The following FAM120B variants were observed in gnomAD, a reference collection of about 807,000 sequenced individuals.
The protein encoded by FAM120B is constitutive coactivator of peroxisome proliferator-activated receptor gamma.
Under a neutral mutation model 96.3 loss-of-function variants are expected in FAM120B, and 83 were observed. The observed-to-expected ratio is 0.86, with a 90% CI of 0.72 to 1.03. The LOEUF is 1.03. Ranked by LOEUF, FAM120B falls within the 50% of genes least tolerant of loss-of-function variation. The pLI, the probability that FAM120B is intolerant of heterozygous loss-of-function variation, is 0.00. For missense variants in FAM120B, 1,027 were observed against 1,121.2 expected (o/e 0.92, Z 1.20); for synonymous variants, 407 against 402.7 (o/e 1.01, Z -0.13).
chr6:170,377,713 C>T (rs1195476276), intron 6 of FAM120B, among the ~76,000 whole-genome samples: 3 of 141,310 alleles, frequency 2.1e-5, no homozygotes, highest in Admixed American at 7.1e-5. Flanking sequence ...GCTGTGCACA[C>T]GCGTCCCTAA....
intron 8 of FAM120B, among the ~76,000 whole-genome samples, chr6:170,393,339 G>T (rs146948434): frequency 6.6e-5 from 10 of 152,202 alleles, no homozygotes; most frequent in Admixed American, 2.0e-4. Flanking sequence ...GAGGCCATGA[G>T]GTCCTGCAGG....
intron 6 of FAM120B, among the ~76,000 whole-genome samples, chr6:170,377,015 G>C (rs555878712): frequency 6.9e-6 from 1 of 145,106 alleles, no homozygotes; most frequent in Non-Finnish European, 1.5e-5. Context: ...GGAGAACACA[G>C]GCTCACGCTG....
At chr6:170,304,283 G>A (rs1363945594), upstream of FAM120B, among the ~76,000 whole-genome samples, 1 of 152,200 alleles carries the variant, frequency 6.6e-6, no homozygotes, top group Non-Finnish European at 1.5e-5. Context: ...ATTCTGTGGA[G>A]AATTTCCATG....
At chr6:170,305,607 T>C (rs1383003619), upstream of FAM120B, among the ~76,000 whole-genome samples, 1 of 152,258 alleles carries the variant, frequency 6.6e-6, no homozygotes, top group Non-Finnish European at 1.5e-5. Flanking sequence ...GCTGCCTTGC[T>C]GAGACATACT....
chr6:170,322,238 A>G (rs1785338173), intron 2 of FAM120B, among the ~76,000 whole-genome samples: 1 of 152,216 alleles, frequency 6.6e-6, no homozygotes, highest in Admixed American at 6.5e-5. Flanking sequence ...TTTCTCAACA[A>G]ATGAGTGAAT....
chr6:170,329,081 C>A (rs1785816519), intron 3 of FAM120B, among the ~76,000 whole-genome samples: 1 of 152,210 alleles, frequency 6.6e-6, no homozygotes, highest in African/African-American at 2.4e-5. Flanking sequence ...ATTGGTTGGC[C>A]AGCCCCAGGA....
intron 4 of FAM120B, among the ~76,000 whole-genome samples, chr6:170,338,949 G>A (rs762817934): frequency 1.7e-4 from 25 of 147,496 alleles, no homozygotes; most frequent in South Asian, 6.5e-4. Flanking sequence ...CCTGAATACA[G>A]CACACCAATA....
At chr6:170,323,007 T>C (rs1785390960) in intron 2 of FAM120B, 72 bp from the exon 3 acceptor site, 3 of 1,342,768 alleles carry the variant, frequency 2.2e-6, no homozygotes, top group Admixed American at 4.9e-5. Flanking sequence ...ATGAAAGGCA[T>C]TGACTTTTTC....
intron 4 of FAM120B, among the ~76,000 whole-genome samples, chr6:170,347,406 C>G (rs934034725): frequency 6.6e-6 from 1 of 152,222 alleles, no homozygotes; most frequent in Admixed American, 6.5e-5. Context: ...GCATCTGCAA[C>G]TCAGTGTGAG....
Position 170,301,666 on chromosome 6 carries a change from A to G in FAM120B, c.48+6213A>G, listed in dbSNP as rs529961280. Among the ~76,000 whole-genome samples the G allele has an allele frequency of 9.9e-5, 15 of 152,260 alleles. No homozygotes were observed. In the East Asian group the frequency reaches 2.9e-3, roughly 29 times the overall value. On this transcript the variant is annotated intron_variant, in intron 1 of 10. Transcript: ENST00000537664. ...TTTCTTCCACCAGATACCCTAAATCATCTCTCTCAAGTGCAAAGTTCCACA... is the reference window on the plus strand; with the variant it reads ...TTTCTTCCACCAGATACCCTAAATCGTCTCTCTCAAGTGCAAAGTTCCACA...
intron 4 of FAM120B, among the ~76,000 whole-genome samples, chr6:170,341,343 C>T (rs1786814902): frequency 2.0e-5 from 3 of 152,182 alleles, no homozygotes. Context: ...GACGCCCCTC[C>T]CCCCACCAAG....
At chr6:170,320,964 T>C (rs1785248959) in intron 2 of FAM120B, among the ~76,000 whole-genome samples, 1 of 152,026 alleles carries the variant, frequency 6.6e-6, no homozygotes, top group African/African-American at 2.4e-5. Context: ...AATTAGGAGG[T>C]CCTGATGGCA....
chr6:170,330,771 T>C (rs1785970654), intron 4 of FAM120B: 2 of 539,566 alleles, frequency 3.7e-6, no homozygotes, highest in Non-Finnish European at 6.6e-6. Flanking sequence ...GCGGCGGTGC[T>C]CTGCCTCTTT....
intron 1 of FAM120B, among the ~76,000 whole-genome samples, chr6:170,296,258 G>A (rs755450085): frequency 1.2e-4 from 19 of 152,162 alleles, no homozygotes; most frequent in Non-Finnish European, 2.8e-4. Context: ...CGTGTCCCAG[G>A]GAGGGGCTGT....
intron 9 of FAM120B, among the ~76,000 whole-genome samples, 167 bp downstream of exon 9, chr6:170,395,746 A>G (rs1354184546): frequency 6.6e-6 from 1 of 152,254 alleles, no homozygotes; most frequent in Non-Finnish European, 1.5e-5. Context: ...AGTGAAATAA[A>G]GACAAATAAT....
chr6:170,362,832 C>T (rs1344418312), intron 6 of FAM120B, among the ~76,000 whole-genome samples: 1 of 151,982 alleles, frequency 6.6e-6, no homozygotes, highest in Non-Finnish European at 1.5e-5. Flanking sequence ...CAGGCGCACA[C>T]CACCATGCCT....
chr6:170,290,899 C>G (rs1583158955), upstream of FAM120B: 1 of 691,850 alleles, frequency 1.4e-6, no homozygotes, highest in Non-Finnish European at 2.6e-6. The surrounding 1 kb of genome is among the most constrained non-coding windows in gnomAD (Gnocchi z 4.7). Context: ...TCGGCCGGGT[C>G]GGGTCTCCGC....
chr6:170,395,982 G>A (rs182021032), intron 9 of FAM120B, among the ~76,000 whole-genome samples: 268 of 152,334 alleles, frequency 1.8e-3, no homozygotes, highest in African/African-American at 6.2e-3. Flanking sequence ...TTGGATTACA[G>A]TGTGAGGTAG....
chr6:170,398,909 G>T (rs563369424), intron 9 of FAM120B, among the ~76,000 whole-genome samples: 7 of 151,904 alleles, frequency 4.6e-5, no homozygotes, highest in African/African-American at 1.4e-4. Context: ...GGGAAAGGTA[G>T]AACTATGTCA....
Sources: allele counts gnomAD v4.1 joint callset (sites outside exome capture counted in the v4.1 genomes callset), GRCh38; gene constraint gnomAD v4.1.1; non-coding constraint Gnocchi (gnomAD v3.1); transcripts MANE v1.5; gene names NCBI Gene and HGNC (gene_info 2026-07-23, HGNC 2026-07-21).